DOCK8: variants seen among roughly 807,000 people sequenced by gnomAD.
DOCK8 encodes dedicator of cytokinesis 8, also known as dedicator of cytokinesis protein 8.
DOCK8 carries 141 observed loss-of-function variants against 245.6 expected under a neutral mutation model. The ratio of observed to expected loss-of-function variants is 0.57; its 90% CI spans 0.50 to 0.66. DOCK8 has a LOEUF of 0.66. Among genes scored for constraint, DOCK8 ranks in the 30% least tolerant of loss-of-function variants. The pLI is 0.00. For missense variants in DOCK8, 2,965 were observed against 2,603.4 expected, an observed-to-expected ratio of 1.14 and a Z score of -3.02; for synonymous variants, 1,168 against 970.2, an observed-to-expected ratio of 1.20 and a Z score of -3.79.
In DOCK8 at chr9:446,411, G is replaced by T. The variant is rs1004977789; in HGVS notation, c.5622G>T (p.Glu1874Asp). The T allele has an allele frequency of 8.7e-6, 14 of 1,614,078 alleles. No individual in the cohort carries two copies. The highest frequency in any genetic ancestry group is 2.2e-5 in the East Asian group (1 of 44,900). Residue 1874 changes from glutamate (E) to aspartate (D), a missense_variant, in exon 44 of 48, where the codon GAG (glutamate) becomes GAT (aspartate). This residue lies in a region of DOCK8 where 2,825 missense variants were observed against 2,453.5 expected (regional missense o/e 1.15). Coordinates refer to ENST00000432829, the MANE Select transcript of DOCK8 (RefSeq NM_203447.4). The stretch of plus-strand genomic sequence containing the variant: ...CTTTTGTGGAGCCCTACTTTGATGA[G>T]TATGAGATGAAAGACAGGGTCACAT... ...QITFVEPYFD[E>D]YEMKDRVTYF... is the part of the protein sequence containing the mutation.
In DOCK8 at chr9:450,064, G is replaced by A. The variant is rs754192631; in HGVS notation, c.5961+137G>A. On this transcript the variant is annotated intron_variant, in intron 45 of 47. Transcript: ENST00000432829. ...ACAGAAATGTTCCTACACTTAACCT[G>A]AACACCTGTAAGGTTTAGAAGACTT... 240 of 896,130 alleles carry A rather than the reference G, an allele frequency of 2.7e-4. 1 individual carries two copies. The highest frequency in any genetic ancestry group is 3.8e-4 in the Non-Finnish European group (225 of 597,740). The allele number at this position is 896,130 out of a possible 1,614,324, so 55.5% of individuals were successfully genotyped here.
intron 35 of DOCK8, 58 bp downstream of exon 35, chr9:428,554 T>C: frequency 6.2e-7 from 1 of 1,601,150 alleles, no homozygotes; most frequent in Non-Finnish European, 8.5e-7. Context: ...CTCATCTAGC[T>C]TCATACTTCT....
chr9:312,921 G>A (rs1194223265), intron 6 of DOCK8: 1 of 154,004 alleles, frequency 6.5e-6, no homozygotes, highest in African/African-American at 2.4e-5. Context: ...TGTCCAAATG[G>A]TATTGAAAGT....
chr9:385,368 A>G (rs1012548903), intron 22 of DOCK8, among the ~76,000 whole-genome samples: 9 of 152,350 alleles, frequency 5.9e-5, no homozygotes, highest in African/African-American at 2.2e-4. Flanking sequence ...ATGCAATGAA[A>G]GTCATATAAG....
chr9:334,069 C>T (rs75620159), intron 10 of DOCK8, among the ~76,000 whole-genome samples, 156 bp from the exon 11 acceptor site: 81 of 151,796 alleles, frequency 5.3e-4, no homozygotes, highest in Non-Finnish European at 9.6e-4. Context: ...CATTTTTCTG[C>T]CTATTCACTG....
chr9:215,308 C>T, intron 1 of DOCK8: 1 of 1,606,626 alleles, frequency 6.2e-7, no homozygotes, highest in East Asian at 2.3e-5. Flanking sequence ...CTCGCCCGCT[C>T]CGCCCTCCAG....
chr9:394,741 G>T (rs866882568), intron 24 of DOCK8, among the ~76,000 whole-genome samples: 1 of 152,282 alleles, frequency 6.6e-6, no homozygotes, highest in East Asian at 1.9e-4. Context: ...CTTTAAATGG[G>T]CCACAAAGGC....
chr9:252,929 G>T (rs935395166), intron 1 of DOCK8, among the ~76,000 whole-genome samples: 2 of 152,166 alleles, frequency 1.3e-5, no homozygotes, highest in African/African-American at 4.8e-5. Flanking sequence ...CTGAGAAATG[G>T]ATGAAGTTGG....
At position 271,729 on chromosome 9, in the gene DOCK8, A is replaced by G. The variant is rs201545102; in HGVS notation, c.156A>G (p.Leu52=). Residue 52 remains leucine, a splice_region_variant and synonymous_variant, in exon 2 of 48, where the codon CTA becomes CTG. Transcript: ENST00000432829. ...ISTSGFPSLQ[L]PQFYDPVEPV... ...CCTCTGGCTTCCCCTCTCTTCAACT[A>G]GTAAGTATGAGTTCCAGGTTTACTT... 58 of 1,546,336 alleles carry G rather than the reference A, an allele frequency of 3.8e-5. No homozygotes were observed. Among genetic ancestry groups the G allele is most frequent in the Non-Finnish European group, 4.9e-5 (56 of 1,142,110 alleles).
chr9:447,600 A>T (rs2131850467), intron 44 of DOCK8, among the ~76,000 whole-genome samples: 1 of 152,256 alleles, frequency 6.6e-6, no homozygotes, highest in Middle Eastern at 3.4e-3. Flanking sequence ...TTGTCCAACC[A>T]TTTGGCTTGG....
rs547643655 is a variant in DOCK8 at position 308,721 on chromosome 9, G to C, written c.529-3233G>C. 5.3e-5 allele frequency among the ~76,000 whole-genome samples: 8 copies of C among 152,204 alleles called. 1 individual carries two copies. In the South Asian group the frequency reaches 6.2e-4, roughly 12 times the overall value. Reference sequence around the variant, plus strand: ...CGCCTAGGCTGGAGTGCAGTGGCACGATCTTGGCTCACTGCAACCCCTGCC... The same window carrying C: ...CGCCTAGGCTGGAGTGCAGTGGCACCATCTTGGCTCACTGCAACCCCTGCC... On this transcript the variant is annotated intron_variant, in intron 5 of 47. Transcript: ENST00000432829.
At chr9:240,937 TA>T (rs1311032892) in intron 1 of DOCK8, among the ~76,000 whole-genome samples, 1 of 151,470 alleles carries the variant, frequency 6.6e-6, no homozygotes, top group African/African-American at 2.5e-5. Context: ...TACACATGTT[TA>T]AAAAATATTG....
intron 43 of DOCK8, 36 bp from the exon 44 acceptor site, chr9:446,334 A>G: frequency 6.4e-7 from 1 of 1,570,074 alleles, no homozygotes; most frequent in South Asian, 1.1e-5. Context: ...TTTGCAGAAT[A>G]GCTCATCTTC....
chr9:387,616 C>T (rs947566590), intron 23 of DOCK8, among the ~76,000 whole-genome samples: 2 of 152,188 alleles, frequency 1.3e-5, no homozygotes, highest in East Asian at 3.9e-4. Flanking sequence ...TGTGGGAGGG[C>T]CGGGGCCTGG....
chr9:310,465 A>C (rs997874801), intron 5 of DOCK8, among the ~76,000 whole-genome samples: 2 of 152,182 alleles, frequency 1.3e-5, no homozygotes, highest in African/African-American at 4.8e-5. Context: ...TAATTTATTT[A>C]CTTATTTTTT....
rs761468121 is a variant in DOCK8, at chr9:376,483, C to A, written c.2205+178C>A. 3.4e-4 allele frequency among the ~76,000 whole-genome samples: 52 copies of A among 152,196 alleles called. 1 individual carries two copies. The highest frequency in any genetic ancestry group is 7.9e-4 in the Admixed American group (12 of 15,286). On this transcript the variant is annotated intron_variant, in intron 19 of 47. Transcript: ENST00000432829. ...TTCATTTGTCATTGGAATAGAAAGA[C>A]CTTACAAAACCGCCGAGCACCTAAA...
At chr9:367,725 A>G (rs571850358) in intron 14 of DOCK8, among the ~76,000 whole-genome samples, 52 of 152,352 alleles carry the variant, frequency 3.4e-4, no homozygotes, top group Middle Eastern at 6.8e-3. Context: ...TGTATCAGAT[A>G]GACAATTACC....
chr9:334,093 G>T, intron 10 of DOCK8, 132 bp from the exon 11 acceptor site: 1 of 966,822 alleles, frequency 1.0e-6, no homozygotes, highest in Non-Finnish European at 1.6e-6. Context: ...TTATTTTTTA[G>T]TGGGAAGATA....
intron 28 of DOCK8, among the ~76,000 whole-genome samples, chr9:409,842 A>G (rs1273177515): frequency 6.6e-6 from 1 of 151,738 alleles, no homozygotes; most frequent in African/African-American, 2.4e-5. Flanking sequence ...GACGGTTTTC[A>G]GCTTCATCCA....
Sources: gnomAD v4.1 joint callset for allele counts (sites outside exome capture counted in the v4.1 genomes callset) on GRCh38, gnomAD v4.1.1 for gene constraint, gnomAD v4.1.1 regional missense constraint, MANE v1.5 for transcripts, NCBI Gene and HGNC (gene_info 2026-07-23, HGNC 2026-07-21) for gene names.